PEX5L: variants seen among roughly 807,000 people sequenced by gnomAD.
PEX5L encodes PEX5-related protein.
A neutral mutation model predicts 84.0 loss-of-function variants in PEX5L; 30 were observed. The ratio of observed to expected loss-of-function variants is 0.36; its 90% CI spans 0.27 to 0.48. PEX5L has a LOEUF of 0.48. Ranked by LOEUF, PEX5L falls within the 20% of genes least tolerant of loss-of-function variation. PEX5L has a pLI of 0.99. For synonymous variants in PEX5L, 270 were observed against 283.1 expected (o/e 0.95, Z 0.46); for missense variants, 533 against 754.6 (o/e 0.71, Z 3.44).
At chr3:179,969,918 A>AG (rs1182837493) in intron 2 of PEX5L, among the ~76,000 whole-genome samples, 1 of 152,126 alleles carries the variant, frequency 6.6e-6, no homozygotes, top group African/African-American at 2.4e-5. Flanking sequence ...TTTTTTCTTT[A>AG]AGATTCCTTA....
chr3:179,938,415 G>A (rs1366804545), intron 2 of PEX5L, among the ~76,000 whole-genome samples: 1 of 152,162 alleles, frequency 6.6e-6, no homozygotes, highest in Admixed American at 6.5e-5. Context: ...TTGAAATCTG[G>A]TTACTCTGGA....
chr3:179,821,070 T>C (rs946551542), intron 8 of PEX5L, among the ~76,000 whole-genome samples: 1 of 152,178 alleles, frequency 6.6e-6, no homozygotes, highest in African/African-American at 2.4e-5. Flanking sequence ...TGGCCTTGGA[T>C]AGCTGTTAGT....
intron 8 of PEX5L, among the ~76,000 whole-genome samples, chr3:179,838,765 G>A (rs1475642498): frequency 6.6e-6 from 1 of 152,098 alleles, no homozygotes. Context: ...AGCAAATAAA[G>A]ATATTTCTCA....
intron 1 of PEX5L, among the ~76,000 whole-genome samples, chr3:180,015,343 G>A (rs556349816): frequency 3.6e-4 from 55 of 152,244 alleles, no homozygotes; most frequent in Non-Finnish European, 1.8e-4. Context: ...CTAAGTTAGC[G>A]AACGAGCTAC....
At chr3:179,845,839 C>A (rs1045649959) in intron 8 of PEX5L, among the ~76,000 whole-genome samples, 1 of 152,170 alleles carries the variant, frequency 6.6e-6, no homozygotes, top group Non-Finnish European at 1.5e-5. Flanking sequence ...CAGGACACTA[C>A]CAGGGGTTCC....
intron 1 of PEX5L, among the ~76,000 whole-genome samples, chr3:179,979,606 T>C (rs998501945): frequency 6.6e-6 from 1 of 152,152 alleles, no homozygotes; most frequent in Non-Finnish European, 1.5e-5. Context: ...TCTAAGAGAA[T>C]TGACGTATTA....
At chr3:179,873,582 A>C (rs1419764523) in intron 7 of PEX5L, among the ~76,000 whole-genome samples, 1 of 152,194 alleles carries the variant, frequency 6.6e-6, no homozygotes, top group Non-Finnish European at 1.5e-5. Flanking sequence ...ATAGGAGATA[A>C]CTAGTTATAA....
intron 2 of PEX5L, among the ~76,000 whole-genome samples, chr3:179,956,940 A>G (rs1277967145): frequency 1.3e-5 from 2 of 152,100 alleles, no homozygotes; most frequent in Non-Finnish European, 1.5e-5. Context: ...CTTTAATTTG[A>G]TAACTTGCAT....
At chr3:179,865,747 A>G (rs1747900609) in intron 7 of PEX5L, among the ~76,000 whole-genome samples, 1 of 152,172 alleles carries the variant, frequency 6.6e-6, no homozygotes, top group Non-Finnish European at 1.5e-5. Flanking sequence ...GCAGATTGCT[A>G]GGCCCCACCT....
chr3:179,926,625 G>A (rs1045691867), intron 2 of PEX5L, among the ~76,000 whole-genome samples: 1 of 152,086 alleles, frequency 6.6e-6, no homozygotes, highest in African/African-American at 2.4e-5. Context: ...CTGTGCAAAG[G>A]ACTTATTGCC....
At chr3:179,998,059 G>A (rs1788057444) in intron 1 of PEX5L, among the ~76,000 whole-genome samples, 1 of 152,312 alleles carries the variant, frequency 6.6e-6, no homozygotes, top group South Asian at 2.1e-4. Context: ...GGAGTTATTG[G>A]TGAAACATTT....
chr3:179,978,585 A>G (rs547946230), intron 1 of PEX5L, among the ~76,000 whole-genome samples: 110 of 152,312 alleles, frequency 7.2e-4, no homozygotes, highest in African/African-American at 2.6e-3. Context: ...TATATACACT[A>G]TCACATTTCT....
intron 1 of PEX5L, among the ~76,000 whole-genome samples, chr3:180,009,783 C>T (rs1789262114): frequency 6.6e-6 from 1 of 152,016 alleles, no homozygotes; most frequent in South Asian, 2.1e-4. Flanking sequence ...GTCTCATCAC[C>T]AGGATGTAAC....
chr3:179,923,210 G>C (rs977091920), intron 2 of PEX5L, among the ~76,000 whole-genome samples: 8 of 144,808 alleles, frequency 5.5e-5, no homozygotes, highest in East Asian at 2.0e-4. Context: ...AGAATGGCCT[G>C]AACCCGGGAG....
intron 8 of PEX5L, among the ~76,000 whole-genome samples, chr3:179,835,316 A>G (rs1297362237): frequency 1.3e-5 from 2 of 152,152 alleles, no homozygotes; most frequent in Non-Finnish European, 2.9e-5. Flanking sequence ...ATATTTCTGT[A>G]AGTTGTGAAG....
chr3:179,879,638 C>A (rs1443608079), intron 5 of PEX5L, among the ~76,000 whole-genome samples: 2 of 152,204 alleles, frequency 1.3e-5, no homozygotes, highest in Non-Finnish European at 2.9e-5. Context: ...GAGCAAGATG[C>A]ACATTTTATC....
chr3:179,816,419 G>A (rs544910043), intron 9 of PEX5L, among the ~76,000 whole-genome samples: 1 of 152,296 alleles, frequency 6.6e-6, no homozygotes, highest in Admixed American at 6.5e-5. Flanking sequence ...TAAAAAGGAT[G>A]AGTTCATGTC....
chr3:179,966,938 G>A (rs577873741), intron 2 of PEX5L, among the ~76,000 whole-genome samples: 2 of 152,228 alleles, frequency 1.3e-5, no homozygotes, highest in African/African-American at 4.8e-5. Context: ...TGAGAGGAAA[G>A]GCAAGCGGTC....
chr3:179,825,000 A>T (rs1390769283), intron 8 of PEX5L, among the ~76,000 whole-genome samples: 3 of 152,238 alleles, frequency 2.0e-5, no homozygotes, highest in African/African-American at 7.2e-5. Flanking sequence ...ACAGATGTGC[A>T]GTGTTCTCAT....
Sources: allele counts gnomAD v4.1 joint callset (sites outside exome capture counted in the v4.1 genomes callset), GRCh38; gene constraint gnomAD v4.1.1; transcripts MANE v1.5; gene names NCBI Gene and HGNC (gene_info 2026-07-23, HGNC 2026-07-21).